The following VSIG10 variants were observed in gnomAD, a reference collection of about 807,000 sequenced individuals.
VSIG10 encodes the protein V-set and immunoglobulin domain containing 10.
Under a neutral mutation model 58.7 loss-of-function variants are expected in VSIG10, and 48 were observed. The ratio of observed to expected loss-of-function variants is 0.82; its 90% CI spans 0.65 to 1.04. The LOEUF (loss-of-function observed/expected upper bound fraction) is 1.04, where lower values mean the gene tolerates loss of function less well. Among genes scored for constraint, VSIG10 ranks in the 50% least tolerant of loss-of-function variants. The probability of loss-of-function intolerance (pLI) is 0.00; values close to 1 mark genes in which losing one functional copy is unlikely to be tolerated. For missense variants in VSIG10, 628 were observed against 670.0 expected (o/e 0.94, Z 0.69); for synonymous variants, 260 against 267.1 (o/e 0.97, Z 0.26).
chr12:118,095,599 C>T lies in VSIG10; in HGVS notation c.295G>A (p.Gly99Arg), dbSNP rs746836810. 9.3e-6 allele frequency: 15 copies of T among 1,613,802 alleles called. No individual in the cohort carries two copies. The Admixed American group carries it at 2.5e-4, about 27-fold the overall frequency. ...HIESLSLGDEGIYTCQEILNV... is the reference protein window; with the variant it reads ...HIESLSLGDERIYTCQEILNV... ...AGGATCTCCTGGCAGGTGTAGATTC[C>T]CTCATCTCCCAGGCTCAGCGATTCA... Residue 99 changes from glycine (G) to arginine (R), a missense_variant, in exon 2 of 9, where the codon GGA becomes AGA. Transcript: ENST00000359236.
At chr12:118,089,904 C>A (rs2033242674) in intron 2 of VSIG10, among the ~76,000 whole-genome samples, 1 of 152,168 alleles carries the variant, frequency 6.6e-6, no homozygotes, top group Non-Finnish European at 1.5e-5. Flanking sequence ...TTCTCCCTTC[C>A]CTGTTTTATT....
At chr12:118,089,105 C>T (rs939503946) in intron 2 of VSIG10, among the ~76,000 whole-genome samples, 1 of 152,146 alleles carries the variant, frequency 6.6e-6, no homozygotes, top group East Asian at 1.9e-4. Flanking sequence ...TGCATCATCA[C>T]ACCTGATTAA....
At chr12:118,075,288 A>G (rs1043710455) in intron 4 of VSIG10, among the ~76,000 whole-genome samples, 4 of 152,092 alleles carry the variant, frequency 2.6e-5, no homozygotes, top group African/African-American at 9.6e-5. Context: ...ATCTAGGAAC[A>G]TATCCCTCAT....
chr12:118,068,644 C>A, intron 7 of VSIG10, 47 bp from the exon 8 acceptor site: 1 of 1,487,634 alleles, frequency 6.7e-7, no homozygotes, highest in Non-Finnish European at 9.0e-7. Flanking sequence ...CTTATTTTTC[C>A]CAACTTCAGC....
chr12:118,090,198 G>T (rs1017371211), intron 2 of VSIG10, among the ~76,000 whole-genome samples: 1 of 152,102 alleles, frequency 6.6e-6, no homozygotes, highest in South Asian at 2.1e-4. Flanking sequence ...CCAGCTACCC[G>T]GGAGGCTGAG....
At position 118,082,231 on chromosome 12, in the gene VSIG10, G is replaced by A; in HGVS notation, c.560C>T (p.Ser187Leu). Residue 187 changes from serine (S) to leucine (L), a missense_variant, in exon 3 of 9, where the codon TCA becomes TTA. Physicochemically the swap from Ser to Leu is moderately radical, Grantham distance 145. Transcript: ENST00000359236. ...FGHNLTVNFF[S>L]LLLISPNLQG... ...GAGGTTTGGCGATATCAGTAACAGTGAGAAAAAGTTGACTGTCAGGTTGTG... is the reference window on the plus strand; with the variant it reads ...GAGGTTTGGCGATATCAGTAACAGTAAGAAAAAGTTGACTGTCAGGTTGTG... The A allele has an allele frequency of 6.2e-7, 1 of 1,613,976 alleles. No homozygotes were observed. The highest frequency in any genetic ancestry group is 8.5e-7 in the Non-Finnish European group (1 of 1,179,888).
intron 2 of VSIG10, among the ~76,000 whole-genome samples, chr12:118,086,058 C>CT (rs2033116078): frequency 6.7e-6 from 1 of 150,174 alleles, no homozygotes; most frequent in African/African-American, 2.5e-5. Context: ...ACTTGGGAGG[C>CT]GAGGCAGGAG....
At chr12:118,097,816 G>A (rs762755510) in intron 1 of VSIG10, among the ~76,000 whole-genome samples, 3 of 151,184 alleles carry the variant, frequency 2.0e-5, no homozygotes, top group South Asian at 4.2e-4. Flanking sequence ...CCAGCTACTC[G>A]GGAGGCTGAG....
intron 2 of VSIG10, among the ~76,000 whole-genome samples, chr12:118,091,194 A>T (rs1167592417): frequency 6.6e-6 from 1 of 152,030 alleles, no homozygotes; most frequent in African/African-American, 2.4e-5. Flanking sequence ...TGGCCTCCCA[A>T]GTTAAAATGT....
At chr12:118,075,342 C>A (rs2032684528) in intron 4 of VSIG10, among the ~76,000 whole-genome samples, 1 of 151,746 alleles carries the variant, frequency 6.6e-6, no homozygotes, top group Non-Finnish European at 1.5e-5. Flanking sequence ...TGAAGCAACT[C>A]CAGAAATTTC....
chr12:118,071,653 G>C (rs1461308327), intron 5 of VSIG10, among the ~76,000 whole-genome samples, 184 bp from the exon 6 acceptor site: 4 of 152,226 alleles, frequency 2.6e-5, no homozygotes, highest in Admixed American at 6.5e-5. Flanking sequence ...GTGGGGATCA[G>C]ATGGAGCAGG....
At chr12:118,094,522 T>C (rs2033389757) in intron 2 of VSIG10, among the ~76,000 whole-genome samples, 2 of 151,858 alleles carry the variant, frequency 1.3e-5, no homozygotes, top group Admixed American at 1.3e-4. Context: ...TAGCTGGTAT[T>C]ACAGGCACCC....
chr12:118,099,336 C>T (rs12304302), intron 1 of VSIG10, among the ~76,000 whole-genome samples: 2 of 152,004 alleles, frequency 1.3e-5, no homozygotes, highest in Admixed American at 6.6e-5. Flanking sequence ...GGGGGTCTCA[C>T]TATGTTGCCC....
intron 4 of VSIG10, 75 bp from the exon 5 acceptor site, chr12:118,074,067 G>GC: frequency 7.1e-7 from 1 of 1,399,538 alleles, no homozygotes; most frequent in South Asian, 1.5e-5. Flanking sequence ...CAGGAAAACT[G>GC]CAGTAGTTTT....
In VSIG10 at chr12:118,095,738, G is replaced by T; in HGVS notation, c.156C>A (p.Gly52=). 6.2e-7 allele frequency: 1 copy of T among 1,613,692 alleles called. No individual in the cohort carries two copies. The highest frequency in any genetic ancestry group is 2.2e-5 in the East Asian group (1 of 44,872). The change falls in exon 2 of 9, where the codon GGC becomes GGA. Residue 52 remains glycine, a synonymous_variant. Transcript: ENST00000359236. ...AGTTGTTCCGGTACCAGGTCACCTG[G>T]CCCCTCAGTCCCGAGATGTTGCCAC... is the stretch of plus-strand genomic sequence containing the variant. The part of the protein sequence containing the change: ...LHCGNISGLR[G]QVTWYRNNSE...
chr12:118,068,213 T>C (rs1172893676), intron 8 of VSIG10, among the ~76,000 whole-genome samples, 164 bp downstream of exon 8: 1 of 147,756 alleles, frequency 6.8e-6, no homozygotes, highest in African/African-American at 2.6e-5. Context: ...TTTTTTTTTT[T>C]TCGTAGAGAC....
intron 6 of VSIG10, 67 bp downstream of exon 6, chr12:118,071,292 A>G: frequency 6.7e-7 from 1 of 1,483,054 alleles, no homozygotes; most frequent in Admixed American, 1.8e-5. Context: ...GGCAGGGGCC[A>G]TCCTTCCCCA....
At chr12:118,090,550 C>A (rs1206330435) in intron 2 of VSIG10, among the ~76,000 whole-genome samples, 1 of 152,176 alleles carries the variant, frequency 6.6e-6, no homozygotes, top group Admixed American at 6.5e-5. Flanking sequence ...CCCTCTTACA[C>A]ACGAGGCGAG....
intron 1 of VSIG10, chr12:118,102,878 A>T (rs112616262): frequency 3.9e-5 from 6 of 152,294 alleles, no homozygotes; most frequent in African/African-American, 1.4e-4. Flanking sequence ...TGGTGAATTA[A>T]ATTCAAATAT....
Sources: allele counts gnomAD v4.1 joint callset (sites outside exome capture counted in the v4.1 genomes callset), GRCh38; gene constraint gnomAD v4.1.1; transcripts MANE v1.5; gene names NCBI Gene and HGNC (gene_info 2026-07-23, HGNC 2026-07-21).